Variants in TPST2 observed in about 807,000 individuals in gnomAD.
The protein encoded by TPST2 is protein-tyrosine sulfotransferase 2.
In TPST2, 16 loss-of-function variants were observed where a neutral mutation model predicts 27.8. That is an observed-to-expected ratio of 0.58 (90% confidence interval 0.39 to 0.88). TPST2 has a LOEUF of 0.88. Ranked by LOEUF, TPST2 falls within the 40% of genes least tolerant of loss-of-function variation. TPST2 has a pLI of 0.00. For synonymous variants in TPST2, 229 were observed against 231.7 expected (o/e 0.99, Z 0.10); for missense variants, 464 against 543.1 (o/e 0.85, Z 1.45).
chr22:26,538,152 C>A (rs548234547), intron 3 of TPST2, among the ~76,000 whole-genome samples: 1 of 152,256 alleles, frequency 6.6e-6, no homozygotes, highest in East Asian at 1.9e-4. Flanking sequence ...TTCATCCCAA[C>A]TAAGAGGTGA....
At chr22:26,538,198 A>G (rs1385032411) in intron 3 of TPST2, among the ~76,000 whole-genome samples, 1 of 152,246 alleles carries the variant, frequency 6.6e-6, no homozygotes, top group African/African-American at 2.4e-5. Context: ...CAAAAGGAAG[A>G]CAAGACCGGG....
rs1484210977 is a variant in TPST2 at position 26,531,360 on chromosome 22, AG to A, written c.1092+1334del. 2.6e-5 allele frequency among the ~76,000 whole-genome samples: 4 copies of A among 152,366 alleles called. No homozygotes were observed. The East Asian group carries it at 7.7e-4, about 29-fold the overall frequency. ...CAAAATGGTGCCGGTGAAACTCAAA[AG>A]ATAGGAAAATATTAAGAAAGCAAAA... is the stretch of plus-strand genomic sequence containing the variant. On this transcript the variant is annotated intron_variant, in intron 5 of 6. Transcript: ENST00000338754.
chr22:26,586,530 A>T (rs1354664328), intron 1 of TPST2, among the ~76,000 whole-genome samples: 1 of 152,172 alleles, frequency 6.6e-6, no homozygotes, highest in Non-Finnish European at 1.5e-5. Context: ...GATTACAAGC[A>T]TGAGCCATGC....
intron 1 of TPST2, chr22:26,560,715 G>A (rs1927041742): frequency 9.2e-6 from 10 of 1,085,218 alleles, no homozygotes; most frequent in Non-Finnish European, 1.1e-5. Flanking sequence ...TGAAGATATG[G>A]CAAAGGCGGA....
intron 1 of TPST2, among the ~76,000 whole-genome samples, chr22:26,569,991 AAAAGAAAGAAAGAAAG>A (rs770577530): frequency 6.5e-4 from 13 of 19,876 alleles, no homozygotes; most frequent in Non-Finnish European, 9.6e-4. Flanking sequence ...AAAAGAAAGA[AAAAGAAAGAAAGAAAG>A]AAAGAAAGAA....
chr22:26,560,155 G>A (rs12627858), intron 1 of TPST2, among the ~76,000 whole-genome samples: 20,531 of 152,046 alleles, frequency 0.14, 1,880 homozygotes, highest in South Asian at 0.3. Flanking sequence ...TTAATGGCAC[G>A]GCCAGGCCTG....
chr22:26,580,570 T>G (rs1021087148), intron 1 of TPST2, among the ~76,000 whole-genome samples: 1 of 152,254 alleles, frequency 6.6e-6, no homozygotes, highest in Non-Finnish European at 1.5e-5. Flanking sequence ...TTCATTTTTG[T>G]TCAATGGATC....
intron 1 of TPST2, among the ~76,000 whole-genome samples, chr22:26,554,274 C>T (rs972224634): frequency 1.3e-5 from 2 of 152,156 alleles, no homozygotes; most frequent in Admixed American, 6.5e-5. Flanking sequence ...GAGTAGTGCC[C>T]GGCTCAGACT....
chr22:26,584,446 G>A (rs1038342645), intron 1 of TPST2, among the ~76,000 whole-genome samples: 14 of 152,194 alleles, frequency 9.2e-5, no homozygotes, highest in Non-Finnish European at 2.9e-5. Flanking sequence ...TTTTCTGTGT[G>A]TTTTCTATGT....
chr22:26,529,146 G>A (rs747870586), intron 5 of TPST2, among the ~76,000 whole-genome samples: 10 of 152,082 alleles, frequency 6.6e-5, no homozygotes, highest in African/African-American at 1.4e-4. Flanking sequence ...TGTTTGAGAC[G>A]GAGTCTCACT....
Position 26,568,118 on chromosome 22 carries a change from G to A in TPST2, c.-161+21935C>T, listed in dbSNP as rs1458116138. 5.3e-5 allele frequency among the ~76,000 whole-genome samples: 8 copies of A among 152,174 alleles called. No homozygotes were observed. The South Asian group carries it at 1.2e-3, about 24-fold the overall frequency. ...GAAGGGCACATATCAAAATGTTCCC[G>A]GTGGCATGATCGTAATTGCCCCCAA... On this transcript the variant is annotated intron_variant, in intron 1 of 6. Coordinates refer to ENST00000338754, the MANE Select transcript of TPST2 (RefSeq NM_003595.5).
chr22:26,588,499 C>G (rs1438442543), intron 1 of TPST2, among the ~76,000 whole-genome samples: 1 of 152,068 alleles, frequency 6.6e-6, no homozygotes, highest in Non-Finnish European at 1.5e-5. Flanking sequence ...CTAAAAATTA[C>G]GGAAACATAT....
At chr22:26,554,421 T>A (rs1315910780) in intron 1 of TPST2, among the ~76,000 whole-genome samples, 1 of 152,160 alleles carries the variant, frequency 6.6e-6, no homozygotes, top group African/African-American at 2.4e-5. Context: ...TAGGGACCAG[T>A]GCTTCCTGAG....
Position 26,541,154 on chromosome 22 carries a change from G to A in TPST2, c.477C>T (p.Asp159=). The A allele has an allele frequency of 1.2e-6, 2 of 1,606,606 alleles. No homozygotes were observed. The highest frequency in any genetic ancestry group is 1.1e-5 in the South Asian group (1 of 90,202). ...GEPARVLCNK[D]PFTLKSSVYL... ...AGACCGAGGACTTGAGCGTAAATGG[G>A]TCCTTGTTGCAGAGCACGCGGGCCG... Residue 159 remains aspartate (D), a synonymous_variant, in exon 3 of 7, where the codon GAC becomes GAT. Coordinates refer to ENST00000338754, the MANE Select transcript of TPST2 (RefSeq NM_003595.5). This position sits in a 1 kb window ranked among gnomAD's most constrained non-coding sequence, Gnocchi z 5.9.
At chr22:26,544,939 T>C (rs557722441) in intron 1 of TPST2, among the ~76,000 whole-genome samples, 3 of 152,306 alleles carry the variant, frequency 2.0e-5, no homozygotes, top group African/African-American at 7.2e-5. Context: ...GCCGCTGCCT[T>C]AGGGAGCCCC....
intron 1 of TPST2, among the ~76,000 whole-genome samples, chr22:26,570,194 C>A (rs1367583315): frequency 6.6e-6 from 1 of 151,816 alleles, no homozygotes; most frequent in Non-Finnish European, 1.5e-5. Flanking sequence ...ACTTTTTTTT[C>A]CCGGCTGCTG....
At chr22:26,533,826 C>T (rs1281424145) in intron 4 of TPST2, among the ~76,000 whole-genome samples, 1 of 152,092 alleles carries the variant, frequency 6.6e-6, no homozygotes, top group Non-Finnish European at 1.5e-5. Flanking sequence ...AGGCACGTGC[C>T]ACCATGCCTG....
intron 1 of TPST2, among the ~76,000 whole-genome samples, chr22:26,558,806 T>C (rs894007181): frequency 5.3e-5 from 8 of 152,120 alleles, no homozygotes; most frequent in Non-Finnish European, 8.8e-5. Flanking sequence ...CCAAGATCAA[T>C]AATGTTTCAA....
intron 2 of TPST2, among the ~76,000 whole-genome samples, chr22:26,542,792 G>T (rs966152479): frequency 6.6e-6 from 1 of 152,240 alleles, no homozygotes; most frequent in African/African-American, 2.4e-5. Flanking sequence ...GGAACTGCAA[G>T]TGACTTAGTG....
Sources: allele counts gnomAD v4.1 joint callset (sites outside exome capture counted in the v4.1 genomes callset), GRCh38; gene constraint gnomAD v4.1.1; non-coding constraint Gnocchi (gnomAD v3.1); transcripts MANE v1.5; gene names NCBI Gene and HGNC (gene_info 2026-07-23, HGNC 2026-07-21).